ABCA5: variants seen among roughly 807,000 people sequenced by gnomAD.
ABCA5 encodes ATP binding cassette subfamily A member 5.
A neutral mutation model predicts 206.0 loss-of-function variants in ABCA5; 163 were observed. The observed-to-expected ratio is 0.79, with a 90% CI of 0.70 to 0.90. The LOEUF (loss-of-function observed/expected upper bound fraction) is 0.90. ABCA5 is among the 40% of genes least tolerant of loss of function. ABCA5 has a pLI of 0.00. For synonymous variants in ABCA5, 609 were observed against 613.8 expected (o/e 0.99, Z 0.11); for missense variants, 1,859 against 1,912.9 (o/e 0.97, Z 0.53).
At chr17:69,255,197 T>C (rs1427685472) in intron 31 of ABCA5, among the ~76,000 whole-genome samples, 1 of 152,138 alleles carries the variant, frequency 6.6e-6, no homozygotes, top group East Asian at 1.9e-4. Context: ...GTCAGTGACA[T>C]GCTTATAATA....
In ABCA5 at chr17:69,297,286, A is replaced by G. The variant is rs2075594374; in HGVS notation, c.1341T>C (p.Tyr447=). 1.2e-6 allele frequency: 2 copies of G among 1,612,956 alleles called. No homozygotes were observed. Among genetic ancestry groups the G allele is most frequent in the Non-Finnish European group, 1.7e-6 (2 of 1,179,542 alleles). ...TAACATTGCCCTCTGATAACTCCTC[A>G]TAATTTCTTTTGCTCTTTGACCAAT... is the stretch of plus-strand genomic sequence containing the variant. ...PSYWSKSKRN[Y]EELSEGNVNG... Residue 447 remains tyrosine (Y), a synonymous_variant, in exon 10 of 39, where the codon TAT becomes TAC. Coordinates refer to ENST00000392676, the MANE Select transcript of ABCA5 (RefSeq NM_172232.4).
chr17:69,306,871 A>C lies in ABCA5; in HGVS notation c.642T>G (p.Asp214Glu). 2 of 1,603,080 alleles carry C rather than the reference A, an allele frequency of 1.2e-6. No individual in the cohort carries two copies. The highest frequency in any genetic ancestry group is 1.7e-6 in the Non-Finnish European group (2 of 1,174,088). The part of the protein sequence containing the change: ...IMGETAVVEI[D>E]TFPRGVILIY... ...TTAAAATTACTCCTCGGGGAAAGGT[A>C]TCTATTTCTACAACAGCAGTTTCTC... The change falls in exon 6 of 39, where the codon GAT becomes GAG. Residue 214 changes from aspartate (D) to glutamate (E), a missense_variant. Transcript: ENST00000392676.
chr17:69,264,967 T>C (rs537843832), intron 23 of ABCA5, 62 bp from the exon 24 acceptor site: 1 of 1,159,214 alleles, frequency 8.6e-7, no homozygotes, highest in East Asian at 2.9e-5. Context: ...ACAAATAAAT[T>C]AGTAAATTAT....
chr17:69,301,989 T>C (rs557301417), intron 8 of ABCA5, among the ~76,000 whole-genome samples: 107 of 152,292 alleles, frequency 7.0e-4, no homozygotes, highest in Non-Finnish European at 1.3e-3. Flanking sequence ...CTCAATGAAC[T>C]CTCAAAATGT....
chr17:69,324,330 T>C (rs2075884319), intron 1 of ABCA5, among the ~76,000 whole-genome samples: 1 of 152,080 alleles, frequency 6.6e-6, no homozygotes, highest in Admixed American at 6.5e-5. Flanking sequence ...AAAGCTAGAC[T>C]CCCAAACAAA....
chr17:69,299,828 G>T (rs1430143083), intron 9 of ABCA5, among the ~76,000 whole-genome samples: 1 of 151,876 alleles, frequency 6.6e-6, no homozygotes, highest in African/African-American at 2.4e-5. Context: ...AACACCACCT[G>T]TTCCCCAAAA....
chr17:69,298,788 A>C (rs1157158856), intron 9 of ABCA5, among the ~76,000 whole-genome samples: 1 of 152,214 alleles, frequency 6.6e-6, no homozygotes, highest in Non-Finnish European at 1.5e-5. Context: ...ATGACCAAGA[A>C]GCCAAAAGCA....
rs751624141 is a variant in ABCA5 at position 69,247,595 on chromosome 17, C to T, written c.4871G>A (p.Gly1624Glu). 3 of 1,610,868 alleles carry T rather than the reference C, an allele frequency of 1.9e-6. No individual in the cohort carries two copies. The highest frequency in any genetic ancestry group is 4.5e-5 in the East Asian group (2 of 44,618). Residue 1624 changes from glycine (G) to glutamate (E), a missense_variant, in exon 39 of 39, where the codon GGA becomes GAA. Transcript: ENST00000392676. ...KEQEEEDNSCGTLNSTLWWER... is the reference protein window; with the variant it reads ...KEQEEEDNSCETLNSTLWWER... ...CCACCAAAGTGTGCTGTTTAAAGTTCCACAACTATTATCTTCCTCCTCTTG... is the reference window on the plus strand; with the variant it reads ...CCACCAAAGTGTGCTGTTTAAAGTTTCACAACTATTATCTTCCTCCTCTTG...
In ABCA5 at chr17:69,301,133, G is replaced by C; in HGVS notation, c.1267+6C>G. 1 of 1,500,772 alleles carries C rather than the reference G, an allele frequency of 6.7e-7. No homozygotes were observed. Among genetic ancestry groups the C allele is most frequent in the Non-Finnish European group, 8.8e-7 (1 of 1,132,534 alleles). 93.0% of individuals were successfully genotyped at this position (1,500,772 alleles called of 1,614,324 possible). Reference sequence around the variant, plus strand: ...TTAAAGTAAAATTCAAAAACCATCTGCATACCTGGAATGACTTGATCAAGA... The same window carrying C: ...TTAAAGTAAAATTCAAAAACCATCTCCATACCTGGAATGACTTGATCAAGA... On this transcript the variant is annotated splice_donor_region_variant and intron_variant, in intron 9 of 38. Transcript: ENST00000392676.
chr17:69,283,971 CTTCAACTTCTAGCT>C lies in ABCA5; in HGVS notation c.2360_2373del (p.Lys787SerfsTer4), dbSNP rs2075424235. 2 of 1,606,146 alleles carry C rather than the reference CTTCAACTTCTAGCT, an allele frequency of 1.2e-6. No homozygotes were observed. The highest frequency in any genetic ancestry group is 2.7e-5 in the African/African-American group (2 of 74,456). On this transcript the variant is annotated frameshift_variant, in exon 18 of 39. Coordinates refer to ENST00000392676, the MANE Select transcript of ABCA5 (RefSeq NM_172232.4). LOFTEE classifies it high-confidence loss of function. Reference sequence around the variant, plus strand: ...TTTTTACCTGCTTGGTCAATTTCTGCTTCAACTTCTAGCTTTAAAAATACGTCTTCCAAAGTCGT... The same window carrying C: ...TTTTTACCTGCTTGGTCAATTTCTGCTTAAAAATACGTCTTCCAAAGTCGT...
At chr17:69,292,239 A>G (rs995670446) in intron 11 of ABCA5, among the ~76,000 whole-genome samples, 1 of 152,216 alleles carries the variant, frequency 6.6e-6, no homozygotes, top group African/African-American at 2.4e-5. Flanking sequence ...CTAAACGTTA[A>G]GTGTTCTGCC....
chr17:69,253,940 C>A, intron 32 of ABCA5, 71 bp from the exon 33 acceptor site: 1 of 1,281,220 alleles, frequency 7.8e-7, no homozygotes. Flanking sequence ...GGGTGTGATC[C>A]CTGATGTTGT....
intron 28 of ABCA5, 53 bp from the exon 29 acceptor site, chr17:69,256,336 A>T (rs1431006460): frequency 8.1e-7 from 1 of 1,241,954 alleles, no homozygotes; most frequent in South Asian, 1.8e-5. Flanking sequence ...TAATTAAAAT[A>T]GTAAGAAATT....
chr17:69,281,626 G>A (rs1269862495), intron 18 of ABCA5, among the ~76,000 whole-genome samples: 2 of 152,174 alleles, frequency 1.3e-5, no homozygotes, highest in African/African-American at 4.8e-5. Flanking sequence ...TCTCCTCACT[G>A]CATTTGAAAG....
intron 18 of ABCA5, among the ~76,000 whole-genome samples, chr17:69,281,196 T>C (rs1034019751): frequency 2.0e-5 from 3 of 151,714 alleles, no homozygotes; most frequent in Non-Finnish European, 4.4e-5. Context: ...TAACAGTTAA[T>C]GCAAATATTA....
rs1262995293 is a variant in ABCA5, at chr17:69,286,054, A to C, written c.2133-17T>G. 1.3e-6 allele frequency: 2 copies of C among 1,597,016 alleles called. No individual in the cohort carries two copies. Among genetic ancestry groups the C allele is most frequent in the East Asian group, 2.2e-5 (1 of 44,722 alleles). On this transcript the variant is annotated splice_polypyrimidine_tract_variant and intron_variant, in intron 16 of 38. Coordinates refer to ENST00000392676, the MANE Select transcript of ABCA5 (RefSeq NM_172232.4). ...ATGTACATGCTAGAGAATACCAAAAATCACAATTAATGATTATACAATAAA... is the reference window on the plus strand; with the variant it reads ...ATGTACATGCTAGAGAATACCAAAACTCACAATTAATGATTATACAATAAA...
At chr17:69,301,394 G>A in intron 8 of ABCA5, 108 bp from the exon 9 acceptor site, 2 of 771,462 alleles carry the variant, frequency 2.6e-6, no homozygotes, top group South Asian at 2.9e-5. Context: ...TAACCAACTG[G>A]GCCTTTTAAT....
Position 69,264,470 on chromosome 17 carries a change from C to A in ABCA5, c.3315+265G>T, listed in dbSNP as rs183378585. On this transcript the variant is annotated intron_variant, in intron 24 of 38. Transcript: ENST00000392676. ...ATTTTAAGGAAGGAATATATTAAAA[C>A]GTTCCTGATTACACCCAAGTAGGTG... Among the ~76,000 whole-genome samples the A allele has an allele frequency of 1.2e-3, 180 of 152,248 alleles. 1 individual carries two copies. The highest frequency in any genetic ancestry group is 3.5e-3 in the African/African-American group (146 of 41,542).
rs564651256 is a variant in ABCA5 at position 69,246,133 on chromosome 17, G to C, written c.*1404C>G. On this transcript the variant is annotated 3_prime_UTR_variant, in exon 39 of 39. Transcript: ENST00000392676. The stretch of plus-strand genomic sequence containing the variant: ...AAGAACACTTTTAAATCCACTGCTA[G>C]AGCCTAAAATCACAGATGTCTTATT... 26 of 152,034 alleles carry C rather than the reference G, an allele frequency of 1.7e-4. No homozygotes were observed. Among genetic ancestry groups the C allele is most frequent in the African/African-American group, 5.8e-4 (24 of 41,546 alleles). The allele number at this position is 152,034 out of a possible 1,614,324, so 9.4% of individuals were successfully genotyped here. A position where few individuals can be genotyped will look rare whatever the true frequency, so the allele number is the denominator to read the frequency against.
Sources: gnomAD v4.1 joint callset for allele counts (sites outside exome capture counted in the v4.1 genomes callset) on GRCh38, gnomAD v4.1.1 for gene constraint, MANE v1.5 for transcripts, NCBI Gene and HGNC (gene_info 2026-07-23, HGNC 2026-07-21) for gene names.